FANK1: variants seen among roughly 807,000 people sequenced by gnomAD.
FANK1 encodes the protein fibronectin type 3 and ankyrin repeat domains protein 1.
Under a neutral mutation model 45.3 loss-of-function variants are expected in FANK1, and 44 were observed. The observed-to-expected ratio is 0.97, with a 90% CI of 0.76 to 1.25. FANK1 has a LOEUF of 1.25. Ranked by LOEUF, FANK1 falls within the 50% of genes most tolerant of loss-of-function variation. The pLI is 0.00. For missense variants in FANK1, 391 were observed against 424.4 expected, an observed-to-expected ratio of 0.92 and a Z score of 0.69; for synonymous variants, 149 against 152.5, an observed-to-expected ratio of 0.98 and a Z score of 0.17.
intron 1 of FANK1, among the ~76,000 whole-genome samples, chr10:125,900,916 C>T (rs543611240): frequency 1.1e-3 from 165 of 152,258 alleles, no homozygotes; most frequent in African/African-American, 3.8e-3. Flanking sequence ...TCCCAAAGTG[C>T]TGGGATTATA....
chr10:126,004,940 A>G lies in FANK1; in HGVS notation c.596A>G (p.His199Arg), dbSNP rs747564082. Residue 199 changes from histidine to arginine, a missense_variant, in exon 7 of 11, where the codon CAT (histidine) becomes CGT (arginine). Transcript: ENST00000368693. Reference sequence around the variant, plus strand: ...GATGTTGTGAAATATCTCCGAAGACATGGCGCTTCTTGGCAGGCTAGAGAC... The same window carrying G: ...GATGTTGTGAAATATCTCCGAAGACGTGGCGCTTCTTGGCAGGCTAGAGAC... Reference protein sequence around the residue: ...HLDVVKYLRRHGASWQARDLG... With the variant: ...HLDVVKYLRRRGASWQARDLG... 9.9e-6 allele frequency: 16 copies of G among 1,614,060 alleles called. No individual in the cohort carries two copies. The East Asian group carries it at 2.2e-4, about 22-fold the overall frequency.
intron 6 of FANK1, among the ~76,000 whole-genome samples, chr10:126,001,032 G>T (rs1952720730): frequency 1.3e-5 from 2 of 152,190 alleles, no homozygotes; most frequent in African/African-American, 4.8e-5. Context: ...ATAGTTGATA[G>T]AAATGTGAAT....
intron 1 of FANK1, among the ~76,000 whole-genome samples, chr10:125,940,880 C>T (rs1320986987): frequency 6.6e-6 from 1 of 152,220 alleles, no homozygotes; most frequent in Non-Finnish European, 1.5e-5. Flanking sequence ...CAAGGCACAT[C>T]CTGCACAGCC....
At chr10:125,925,457 CTGTTCACAGG>C (rs1489866634) in intron 1 of FANK1, among the ~76,000 whole-genome samples, 1 of 152,152 alleles carries the variant, frequency 6.6e-6, no homozygotes, top group African/African-American at 2.4e-5. Context: ...AGTGCAGGGG[CTGTTCACAGG>C]TGTTCACAGG....
intron 6 of FANK1, 143 bp downstream of exon 6, chr10:125,997,628 T>C: frequency 1.4e-6 from 1 of 712,264 alleles, no homozygotes; most frequent in East Asian, 2.8e-5. Context: ...TGAGGAAAGA[T>C]GGTGATCACA....
chr10:125,914,114 A>G (rs2134119053), intron 1 of FANK1, among the ~76,000 whole-genome samples: 1 of 152,224 alleles, frequency 6.6e-6, no homozygotes, highest in African/African-American at 2.4e-5. Context: ...CTAAGTACTC[A>G]TTACAGTATG....
chr10:125,905,648 A>G (rs36081560), intron 1 of FANK1, among the ~76,000 whole-genome samples: 554 of 152,246 alleles, frequency 3.6e-3, no homozygotes, highest in Non-Finnish European at 6.2e-3. Context: ...GGCCATGTCT[A>G]ATAATCCAGA....
At chr10:125,956,203 G>GC (rs1554930968) in intron 1 of FANK1, among the ~76,000 whole-genome samples, 1 of 33,284 alleles carries the variant, frequency 3.0e-5, no homozygotes, top group Non-Finnish European at 7.9e-5. Flanking sequence ...TACATTTTTT[G>GC]GGGGGGGGGC....
At chr10:125,919,698 T>A (rs4019640) in intron 1 of FANK1, among the ~76,000 whole-genome samples, 116,213 of 151,726 alleles carry the variant, frequency 0.77, 44,875 homozygotes, top group South Asian at 0.8. Context: ...TTGAAGTGCA[T>A]CAAAGGGGTG....
In FANK1 at chr10:125,984,596, T is replaced by C. The variant is rs368064022; in HGVS notation, c.192-3955T>C. 2.0e-5 allele frequency among the ~76,000 whole-genome samples: 3 copies of C among 151,996 alleles called. No homozygotes were observed. In the East Asian group the frequency reaches 5.8e-4, roughly 29 times the overall value. On this transcript the variant is annotated intron_variant, in intron 2 of 10. Transcript: ENST00000368693. Reference sequence around the variant, plus strand: ...GATGTCAGGGAGGGTGTTGGGGATGTCAAGGGCCAGGGAAAGGGTCTGGGT... The same window carrying C: ...GATGTCAGGGAGGGTGTTGGGGATGCCAAGGGCCAGGGAAAGGGTCTGGGT...
At chr10:125,989,175 G>A in intron 3 of FANK1, 2 of 943,236 alleles carry the variant, frequency 2.1e-6, no homozygotes, top group Non-Finnish European at 1.6e-6. Flanking sequence ...ATCCTGTGAG[G>A]GAGAGCCCCA....
Position 125,983,036 on chromosome 10 carries a change from C to T in FANK1, c.191+2698C>T, listed in dbSNP as rs550845651. Among the ~76,000 whole-genome samples, 1 of 152,058 alleles carries T rather than the reference C, an allele frequency of 6.6e-6. No individual in the cohort carries two copies. Among genetic ancestry groups the T allele is most frequent in the East Asian group, 1.9e-4 (1 of 5,170 alleles). The stretch of plus-strand genomic sequence containing the variant: ...AAGGATAAAGGCCAAATTCCTTAGA[C>T]TAACATTTAATGTCTTTCACAGTTT... On this transcript the variant is annotated intron_variant, in intron 2 of 10. Coordinates refer to ENST00000368693, the MANE Select transcript of FANK1 (RefSeq NM_145235.5). The surrounding 1 kb of genome is among the most constrained non-coding windows in gnomAD (Gnocchi z 4.3).
chr10:125,966,909 A>C (rs1950227443), intron 1 of FANK1, among the ~76,000 whole-genome samples: 1 of 152,026 alleles, frequency 6.6e-6, no homozygotes, highest in African/African-American at 2.4e-5. Context: ...TAATGCTACT[A>C]TTTTGTCTTT....
At chr10:125,912,085 C>G (rs1297660347) in intron 1 of FANK1, among the ~76,000 whole-genome samples, 7 of 152,130 alleles carry the variant, frequency 4.6e-5, no homozygotes, top group African/African-American at 1.7e-4. Context: ...CTAGCAATGC[C>G]CTGATCGTCT....
intron 1 of FANK1, among the ~76,000 whole-genome samples, chr10:125,910,218 T>C (rs1945878525): frequency 6.6e-6 from 1 of 152,242 alleles, no homozygotes; most frequent in Non-Finnish European, 1.5e-5. Context: ...CCTGGTAACA[T>C]ATACATACTT....
intron 6 of FANK1, 120 bp downstream of exon 6, chr10:125,997,605 G>T: frequency 1.2e-6 from 1 of 865,926 alleles, no homozygotes. Context: ...GTCCTGAGAG[G>T]TGAGTGGGTC....
At chr10:126,002,935 C>T (rs1349303166) in intron 6 of FANK1, among the ~76,000 whole-genome samples, 1 of 152,016 alleles carries the variant, frequency 6.6e-6, no homozygotes, top group Non-Finnish European at 1.5e-5. Flanking sequence ...CTTAATATCA[C>T]TGATACACAA....
chr10:125,980,492 A>T (rs1951133660), intron 2 of FANK1, 154 bp downstream of exon 2: 2 of 792,368 alleles, frequency 2.5e-6, no homozygotes, highest in South Asian at 4.3e-5. Context: ...CAATTTTTGG[A>T]AAATAGGCAT....
rs374339181 is a variant in FANK1, at chr10:125,988,573, G to T, written c.214G>T (p.Val72Phe). The T allele has an allele frequency of 6.0e-5, 97 of 1,614,224 alleles. No homozygotes were observed. The African/African-American group carries it at 1.0e-3, about 17-fold the overall frequency. The part of the protein sequence containing the change: ...IYTGYATKHV[V>F]EGLEPRTLYR... ...TAGGGGATATGCAACGAAGCATGTT[G>T]TTGAAGGTCTGGAACCAAGGACGCT... Residue 72 changes from valine (V) to phenylalanine (F), a missense_variant, in exon 3 of 11, where the codon GTT becomes TTT. Transcript: ENST00000368693.
Sources: gnomAD v4.1 joint callset for allele counts (sites outside exome capture counted in the v4.1 genomes callset) on GRCh38, gnomAD v4.1.1 for gene constraint, Gnocchi (gnomAD v3.1) non-coding constraint, MANE v1.5 for transcripts, NCBI Gene and HGNC (gene_info 2026-07-23, HGNC 2026-07-21) for gene names.